The following MFN2 variants were observed in gnomAD, a reference collection of about 807,000 sequenced individuals.
The protein encoded by MFN2 is mitofusin 2.
MFN2 carries 43 observed loss-of-function variants against 87.5 expected under a neutral mutation model. The ratio of observed to expected loss-of-function variants is 0.49; its 90% CI spans 0.38 to 0.63. The LOEUF (loss-of-function observed/expected upper bound fraction) is 0.63. Ranked by LOEUF, MFN2 falls within the 30% of genes least tolerant of loss-of-function variation. The pLI, the probability that MFN2 is intolerant of heterozygous loss-of-function variation, is 0.00. For synonymous variants in MFN2, 337 were observed against 359.9 expected (o/e 0.94, Z 0.72); for missense variants, 743 against 972.8 (o/e 0.76, Z 3.14).
chr1:11,998,232 G>T (rs992962267), intron 6 of MFN2, among the ~76,000 whole-genome samples: 3 of 151,920 alleles, frequency 2.0e-5, no homozygotes, highest in African/African-American at 7.3e-5. Context: ...TTTTATAAAA[G>T]CAATAGATAT....
intron 3 of MFN2, among the ~76,000 whole-genome samples, chr1:11,989,780 G>A (rs187312627): frequency 2.6e-5 from 4 of 152,220 alleles, no homozygotes; most frequent in Admixed American, 6.5e-5. Flanking sequence ...TGACCAGGGC[G>A]CCCTTTCTTT....
At chr1:11,987,247 G>A (rs145564432) in intron 2 of MFN2, among the ~76,000 whole-genome samples, 2,244 of 151,754 alleles carry the variant, frequency 0.015, 55 homozygotes, top group African/African-American at 0.051. Context: ...GGGAGGTGGA[G>A]GTTGTAGTGA....
intron 16 of MFN2, 115 bp from the exon 17 acceptor site, chr1:12,006,938 T>G: frequency 1.4e-6 from 2 of 1,391,796 alleles, no homozygotes; most frequent in Non-Finnish European, 1.0e-6. Flanking sequence ...GAACTCAGAG[T>G]AGAAACATGA....
In MFN2 at chr1:12,004,897, T is replaced by C. The variant is rs765516646; in HGVS notation, c.1465T>C (p.Ser489Pro). The C allele has an allele frequency of 6.2e-7, 1 of 1,612,822 alleles. No homozygotes were observed. The highest frequency in any genetic ancestry group is 8.5e-7 in the Non-Finnish European group (1 of 1,179,474). Residue 489 changes from serine (S) to proline (P), a missense_variant, in exon 14 of 19, where the codon TCC becomes CCC. By Grantham distance (74) the Ser-to-Pro change is moderately conservative. Transcript: ENST00000235329. This position sits in a 1 kb window ranked among gnomAD's most constrained non-coding sequence, Gnocchi z 4.2. ...SDRCSTAITN[S>P]LQTMQQDMID... is the part of the protein sequence containing the mutation. ...CCGCTGCTCCACGGCCATCACCAAC[T>C]CCCTGCAGACCATGCAGCAGGACAT...
At chr1:11,985,313 A>G (rs1638347463) in intron 2 of MFN2, among the ~76,000 whole-genome samples, 1 of 152,152 alleles carries the variant, frequency 6.6e-6, no homozygotes, top group Admixed American at 6.5e-5. Flanking sequence ...TGTTGTACAC[A>G]TGAAGAAACC....
intron 2 of MFN2, among the ~76,000 whole-genome samples, chr1:11,986,373 G>A (rs1638406283): frequency 6.6e-6 from 1 of 152,116 alleles, no homozygotes; most frequent in African/African-American, 2.4e-5. Flanking sequence ...AGGGTGGCTG[G>A]GGAGGCAGTG....
intron 17 of MFN2, 75 bp downstream of exon 17, chr1:12,007,324 C>T: frequency 6.5e-7 from 1 of 1,546,876 alleles, no homozygotes; most frequent in Non-Finnish European, 8.8e-7. Context: ...CCCCATCTCT[C>T]TTCCCACGTG....
intron 4 of MFN2, among the ~76,000 whole-genome samples, chr1:11,994,721 C>T (rs1557520638): frequency 6.6e-6 from 1 of 152,204 alleles, no homozygotes; most frequent in Admixed American, 6.5e-5. Flanking sequence ...AGGTGTGGTC[C>T]TCTACTCCTC....
intron 17 of MFN2, among the ~76,000 whole-genome samples, chr1:12,008,447 G>A (rs1639528886): frequency 1.4e-5 from 2 of 143,690 alleles, no homozygotes; most frequent in African/African-American, 5.9e-5. Flanking sequence ...CCTCCCGGAC[G>A]GGGCGGCTGG....
In MFN2 at chr1:11,997,511, A is replaced by G. The variant is rs139133433; in HGVS notation, c.599+90A>G. The G allele has an allele frequency of 5.8e-6, 9 of 1,564,496 alleles. No individual in the cohort carries two copies. In the African/African-American group the frequency reaches 9.5e-5, roughly 16 times the overall value. On this transcript the variant is annotated intron_variant, in intron 6 of 18. Coordinates refer to ENST00000235329, the MANE Select transcript of MFN2 (RefSeq NM_014874.4). ...ATCTAGGCCAGGGTCCCTGGGCCCC[A>G]TCCTTGCTCTGCTTAAGTATTACTA...
At chr1:11,983,820 G>A (rs145496880) in intron 2 of MFN2, among the ~76,000 whole-genome samples, 3,006 of 152,318 alleles carry the variant, frequency 0.02, 358 homozygotes, top group Admixed American at 0.19. Context: ...TGACACTTGA[G>A]TTGGGTCTAG....
rs1461026397 is a variant in MFN2 at position 12,004,707 on chromosome 1, T to C, written c.1392+94T>C. ...GGTCAGGGCCCCCCAGCAGTGACAGTAGAAGCCACAGAGACAAGGCCCAGG... is the reference window on the plus strand; with the variant it reads ...GGTCAGGGCCCCCCAGCAGTGACAGCAGAAGCCACAGAGACAAGGCCCAGG... On this transcript the variant is annotated intron_variant, in intron 13 of 18. Transcript: ENST00000235329. This position sits in a 1 kb window ranked among gnomAD's most constrained non-coding sequence, Gnocchi z 4.2. The C allele has an allele frequency of 8.0e-6, 12 of 1,493,426 alleles. No homozygotes were observed. The highest frequency in any genetic ancestry group is 4.1e-5 in the African/African-American group (3 of 72,460). 92.5% of individuals were successfully genotyped at this position (1,493,426 alleles called of 1,614,324 possible). A position where few individuals can be genotyped will look rare whatever the true frequency, so the allele number is the denominator to read the frequency against.
At chr1:11,990,360 G>A (rs1463964487) in intron 3 of MFN2, among the ~76,000 whole-genome samples, 1 of 152,220 alleles carries the variant, frequency 6.6e-6, no homozygotes. Flanking sequence ...GAATTTTAAA[G>A]TAGTATGATT....
At chr1:11,990,081 G>T (rs1200837797) in intron 3 of MFN2, among the ~76,000 whole-genome samples, 3 of 152,206 alleles carry the variant, frequency 2.0e-5, no homozygotes, top group African/African-American at 7.2e-5. Flanking sequence ...GTGAACAGTG[G>T]TTTCAGATTC....
intron 15 of MFN2, 82 bp downstream of exon 15, chr1:12,006,013 G>A (rs986257963): frequency 1.3e-5 from 18 of 1,383,048 alleles, no homozygotes; most frequent in Middle Eastern, 2.5e-4. Context: ...ATTCTAAAAC[G>A]GGGGTTCCCT....
rs142734466 is a variant in MFN2, at chr1:11,989,561, CAT to C, written c.175+219_175+220del. ...TTTAGTAATTACTTTAAGAAGTCCA[CAT>C]GTTTTGTTTCATTTAATCATGAAAG... On this transcript the variant is annotated intron_variant, in intron 3 of 18. Coordinates refer to ENST00000235329, the MANE Select transcript of MFN2 (RefSeq NM_014874.4). Among the ~76,000 whole-genome samples the C allele has an allele frequency of 0.023, 3,525 of 152,254 alleles. 127 individuals are homozygous for C. Among genetic ancestry groups the C allele is most frequent in the African/African-American group, 0.08 (3,308 of 41,532 alleles).
intron 8 of MFN2, among the ~76,000 whole-genome samples, chr1:12,000,216 G>A (rs570763616): frequency 6.6e-6 from 1 of 152,118 alleles, no homozygotes; most frequent in Admixed American, 6.5e-5. Context: ...TTTCGAGATG[G>A]AGTTTTGCTC....
intron 8 of MFN2, among the ~76,000 whole-genome samples, 153 bp downstream of exon 8, chr1:11,999,248 G>A (rs962034311): frequency 5.9e-5 from 9 of 152,240 alleles, no homozygotes; most frequent in South Asian, 2.1e-4. Flanking sequence ...GGTATCTTCT[G>A]GTGGTCTTTC....
chr1:12,009,875 T>C (rs1461726803), intron 18 of MFN2, 149 bp downstream of exon 18: 1 of 1,182,404 alleles, frequency 8.5e-7, no homozygotes, highest in Non-Finnish European at 1.2e-6. Context: ...TACCATGGGC[T>C]GGGCACGGTG....
Sources: gnomAD v4.1 joint callset for allele counts (sites outside exome capture counted in the v4.1 genomes callset) on GRCh38, gnomAD v4.1.1 for gene constraint, Gnocchi (gnomAD v3.1) non-coding constraint, MANE v1.5 for transcripts, NCBI Gene and HGNC (gene_info 2026-07-23, HGNC 2026-07-21) for gene names.